AXIN2: variants seen among roughly 807,000 people sequenced by gnomAD.
The protein encoded by AXIN2 is axin 2, also known as axin-2.
Under a neutral mutation model 74.7 loss-of-function variants are expected in AXIN2, and 21 were observed. The observed-to-expected ratio is 0.28, with a 90% confidence interval of 0.20 to 0.40. AXIN2 has a LOEUF of 0.40. Ranked by LOEUF, AXIN2 falls within the 10% of genes least tolerant of loss-of-function variation. The probability of loss-of-function intolerance (pLI) is 1.00; values close to 1 mark genes in which losing one functional copy is unlikely to be tolerated. For missense variants in AXIN2, 1,144 were observed against 1,111.1 expected (o/e 1.03, Z -0.42); for synonymous variants, 532 against 454.9 (o/e 1.17, Z -2.16).
At position 65,536,515 on chromosome 17, in the gene AXIN2, G is replaced by A. The variant is rs1307386989; in HGVS notation, c.1946C>T (p.Ala649Val). The change falls in exon 8 of 11, where the codon GCC (alanine) becomes GTC (valine). Residue 649 changes from alanine to valine, a missense_variant. By Grantham distance (64) the Ala-to-Val change is moderately conservative (BLOSUM62 0). Transcript: ENST00000307078. ...STKKAYPLES[A>V]RSSPGERASR... The stretch of plus-strand genomic sequence containing the variant: ...GGCTCGTTCGCCTGGAGACGAGCGG[G>A]CAGACTCCAAGGGGTAGGCCTTTTT... The A allele has an allele frequency of 6.2e-7, 1 of 1,613,740 alleles. No individual in the cohort carries two copies. Among genetic ancestry groups the A allele is most frequent in the Non-Finnish European group, 8.5e-7 (1 of 1,180,030 alleles).
At position 65,558,382 on chromosome 17, in the gene AXIN2, T is replaced by C. The variant is rs369009135; in HGVS notation, c.239A>G (p.Lys80Arg). Residue 80 changes from lysine to arginine, a missense_variant, in exon 2 of 11, where the codon AAG becomes AGG. Physicochemically the swap from Lys to Arg is conservative, Grantham distance 26. This residue lies in a region of AXIN2 where 1,053 missense variants were observed against 973.5 expected (regional missense o/e 1.08). Coordinates refer to ENST00000307078, the MANE Select transcript of AXIN2 (RefSeq NM_004655.4). ...SPDSPLTRWT[K>R]SLHSLLGDQD... The stretch of plus-strand genomic sequence containing the variant: ...ATCGCCCAATAAGGAGTGTAAGGAC[T>C]TGGTCCACCGGGTCAGAGGGGAATC... 1 of 1,610,580 alleles carries C rather than the reference T, an allele frequency of 6.2e-7. No individual in the cohort carries two copies. Among genetic ancestry groups the C allele is most frequent in the Non-Finnish European group, 8.5e-7 (1 of 1,177,280 alleles).
intron 4 of AXIN2, among the ~76,000 whole-genome samples, chr17:65,540,489 A>G (rs973745610): frequency 2.0e-5 from 3 of 152,292 alleles, no homozygotes; most frequent in Middle Eastern, 3.4e-3. Flanking sequence ...TCTTTCTGAT[A>G]GGGAATTTTT....
intron 3 of AXIN2, among the ~76,000 whole-genome samples, chr17:65,542,573 C>A (rs551827802): frequency 6.6e-6 from 1 of 152,230 alleles, no homozygotes; most frequent in African/African-American, 2.4e-5. Context: ...GGGCCCCTAT[C>A]CATTATATTT....
chr17:65,559,542 T>C (rs2044330301), intron 1 of AXIN2: 1 of 151,272 alleles, frequency 6.6e-6, no homozygotes, highest in Non-Finnish European at 1.5e-5. Flanking sequence ...TCTTCAAACT[T>C]TGAGAGAGAG....
rs1285837197 is a variant in AXIN2 at position 65,528,626 on chromosome 17, G to A, written c.*1350C>T. 1 of 502,138 alleles carries A rather than the reference G, an allele frequency of 2.0e-6. No homozygotes were observed. Among genetic ancestry groups the A allele is most frequent in the Middle Eastern group, 3.1e-4 (1 of 3,198 alleles). The allele number at this position is 502,138 out of a possible 1,614,324, so 31.1% of individuals were successfully genotyped here. A position where few individuals can be genotyped will look rare whatever the true frequency, so the allele number is the denominator to read the frequency against. On this transcript the variant is annotated 3_prime_UTR_variant, in exon 11 of 11. Transcript: ENST00000307078. The stretch of plus-strand genomic sequence containing the variant: ...TTAATTACAATAATTATTGTACCAA[G>A]TAATTTTCCTTAAATGAACTCTTTA...
intron 2 of AXIN2, 124 bp from the exon 3 acceptor site, chr17:65,549,784 G>A (rs2044166899): frequency 7.9e-7 from 1 of 1,271,896 alleles, no homozygotes; most frequent in East Asian, 2.5e-5. Context: ...TGCTGCCCAG[G>A]TCCAGTTGCT....
intron 2 of AXIN2, among the ~76,000 whole-genome samples, chr17:65,553,853 G>T (rs987889694): frequency 8.7e-5 from 13 of 149,680 alleles, no homozygotes; most frequent in South Asian, 2.2e-4. Context: ...AAGGCGGGGG[G>T]GGGGGGAGGA....
rs878854716 is a variant in AXIN2 at position 65,558,509 on chromosome 17, G to C, written c.112C>G (p.Pro38Ala). 1.2e-6 allele frequency: 2 copies of C among 1,613,366 alleles called. No individual in the cohort carries two copies. Among genetic ancestry groups the C allele is most frequent in the African/African-American group, 1.3e-5 (1 of 75,060 alleles). Residue 38 changes from proline to alanine, a missense_variant, in exon 2 of 11, where the codon CCA becomes GCA. Around this residue, in one of 4 missense-constraint regions of AXIN2, gnomAD observed 1,053 missense variants for 973.5 expected, o/e 1.08. Transcript: ENST00000307078. Reference protein sequence around the residue: ...GEEGETPPCQPGVGKGQVTKP... With the variant: ...GEEGETPPCQAGVGKGQVTKP... ...GTGACCTGGCCCTTGCCCACCCCTGGCTGACACGGTGGGGTCTCCCCTTCT... is the reference window on the plus strand; with the variant it reads ...GTGACCTGGCCCTTGCCCACCCCTGCCTGACACGGTGGGGTCTCCCCTTCT...
intron 9 of AXIN2, among the ~76,000 whole-genome samples, chr17:65,534,650 C>T (rs1463954970): frequency 2.0e-5 from 3 of 152,198 alleles, no homozygotes; most frequent in South Asian, 2.1e-4. Flanking sequence ...GCTGCTAGGC[C>T]GGGCGTGGTG....
intron 10 of AXIN2, among the ~76,000 whole-genome samples, chr17:65,533,369 G>C (rs2043855748): frequency 6.6e-6 from 1 of 152,320 alleles, no homozygotes; most frequent in Middle Eastern, 3.4e-3. Flanking sequence ...TAAAATCCAG[G>C]GAGGCTGTTC....
chr17:65,558,197 TG>T lies in AXIN2; in HGVS notation c.423del (p.Asn141LysfsTer9). 1 of 1,614,200 alleles carries T rather than the reference TG, an allele frequency of 6.2e-7. No individual in the cohort carries two copies. Among genetic ancestry groups the T allele is most frequent in the Non-Finnish European group, 8.5e-7 (1 of 1,180,032 alleles). On this transcript the variant is annotated frameshift_variant, in exon 2 of 11. Transcript: ENST00000307078. LOFTEE classifies it high-confidence loss of function. ...AKAIYKRYIE[N>X]NSIVSKQLKP... ...TTCAGCTGCTTGGAGACAATGCTGT[TG>T]TTCTCAATGTACCTTTTGTAGATCG... is the stretch of plus-strand genomic sequence containing the variant.
At position 65,529,654 on chromosome 17, in the gene AXIN2, T is replaced by C; in HGVS notation, c.*322A>G. The C allele has an allele frequency of 2.2e-6, 1 of 447,378 alleles. No individual in the cohort carries two copies. The highest frequency in any genetic ancestry group is 4.2e-6 in the Non-Finnish European group (1 of 240,444). 27.7% of individuals were successfully genotyped at this position (447,378 alleles called of 1,614,324 possible). On this transcript the variant is annotated 3_prime_UTR_variant, in exon 11 of 11. Transcript: ENST00000307078. ...GTAAGCTATACACAGTTTCTCTTAG[T>C]TTATGGATTTCAGATCCCTAGGAAG...
chr17:65,530,171 C>A, intron 10 of AXIN2, 69 bp from the exon 11 acceptor site: 1 of 1,599,038 alleles, frequency 6.3e-7, no homozygotes, highest in East Asian at 2.2e-5. Flanking sequence ...GAAAAGCATA[C>A]CAACATGGAG....
chr17:65,536,639 C>T, intron 7 of AXIN2, 86 bp from the exon 8 acceptor site: 1 of 1,499,000 alleles, frequency 6.7e-7, no homozygotes, highest in Admixed American at 1.7e-5. Context: ...AGAAACTTGT[C>T]TATTCTGCTC....
At chr17:65,539,836 C>G (rs2044014986) in intron 4 of AXIN2, among the ~76,000 whole-genome samples, 1 of 152,198 alleles carries the variant, frequency 6.6e-6, no homozygotes. Flanking sequence ...CCCCTCCTTG[C>G]AACCTGGATC....
chr17:65,533,913 T>C lies in AXIN2; in HGVS notation c.2404A>G (p.Arg802Gly). 1 of 1,567,434 alleles carries C rather than the reference T, an allele frequency of 6.4e-7. No individual in the cohort carries two copies. Among genetic ancestry groups the C allele is most frequent in the Non-Finnish European group, 8.7e-7 (1 of 1,148,912 alleles). Reference sequence around the variant, plus strand: ...AGAAAAAAGCCACAGGACTCTTACCTATAATTTCCCTTTTTGCTGAGCTGC... The same window carrying C: ...AGAAAAAAGCCACAGGACTCTTACCCATAATTTCCCTTTTTGCTGAGCTGC... Reference protein sequence around the residue: ...KEQLSKKGNYRYYFKKASDEF... With the variant: ...KEQLSKKGNYGYYFKKASDEF... Residue 802 changes from arginine to glycine, a missense_variant and splice_region_variant, in exon 10 of 11, where the codon AGG becomes GGG. Arg to Gly is a moderately radical substitution (Grantham distance 125). Transcript: ENST00000307078.
Position 65,528,667 on chromosome 17 carries a change from A to C in AXIN2, c.*1309T>G, listed in dbSNP as rs2043766979. On this transcript the variant is annotated 3_prime_UTR_variant, in exon 11 of 11. Coordinates refer to ENST00000307078, the MANE Select transcript of AXIN2 (RefSeq NM_004655.4). The stretch of plus-strand genomic sequence containing the variant: ...GAACTCTTTATAATGCATAATTTAC[A>C]GTATAAGTAGAACAAAATGTCATGA... 1.9e-6 allele frequency: 1 copy of C among 516,568 alleles called. No individual in the cohort carries two copies. 32.0% of individuals were successfully genotyped at this position (516,568 alleles called of 1,614,324 possible).
rs1555577694 is a variant in AXIN2 at position 65,537,469 on chromosome 17, C to G, written c.1567G>C (p.Ala523Pro). 6.2e-7 allele frequency: 1 copy of G among 1,613,962 alleles called. No individual in the cohort carries two copies. The highest frequency in any genetic ancestry group is 8.5e-7 in the Non-Finnish European group (1 of 1,180,010). ...HVHHHYIHHH[A>P]VPKTKEEIEA... The stretch of plus-strand genomic sequence containing the variant: ...ATCTCCTCCTTGGTCTTGGGGACGG[C>G]ATGGTGGTGGATGTAGTGGTGGTGG... Residue 523 changes from alanine (A) to proline (P), a missense_variant, in exon 6 of 11, where the codon GCC becomes CCC. Physicochemically the swap from Ala to Pro is conservative, Grantham distance 27. This residue lies in a region of AXIN2 where 1,053 missense variants were observed against 973.5 expected (regional missense o/e 1.08). Coordinates refer to ENST00000307078, the MANE Select transcript of AXIN2 (RefSeq NM_004655.4).
rs2044316223 is a variant in AXIN2 at position 65,558,748 on chromosome 17, A to C, written c.-116-12T>G. The C allele has an allele frequency of 9.4e-6, 9 of 962,504 alleles. No individual in the cohort carries two copies. The highest frequency in any genetic ancestry group is 1.6e-5 in the African/African-American group (1 of 62,006). The allele number at this position is 962,504 out of a possible 1,614,324, so 59.6% of individuals were successfully genotyped here. ...TCTGAACCTCCTCTCTGGAAAGAAA[A>C]GGAAGGGGGGAGGTGGGGAGAGAGA... On this transcript the variant is annotated splice_polypyrimidine_tract_variant and intron_variant, in intron 1 of 10. Transcript: ENST00000307078.
Sources: gnomAD v4.1 joint callset for allele counts (sites outside exome capture counted in the v4.1 genomes callset) on GRCh38, gnomAD v4.1.1 for gene constraint, gnomAD v4.1.1 regional missense constraint, MANE v1.5 for transcripts, NCBI Gene and HGNC (gene_info 2026-07-23, HGNC 2026-07-21) for gene names.